Variants in ANKRD44 observed in about 807,000 individuals in gnomAD.
ANKRD44 encodes the protein serine/threonine-protein phosphatase 6 regulatory ankyrin repeat subunit B.
A neutral mutation model predicts 116.0 loss-of-function variants in ANKRD44; 35 were observed. That is an observed-to-expected ratio of 0.30 (90% CI 0.23 to 0.40). The LOEUF is 0.40. ANKRD44 is among the 10% of genes least tolerant of loss of function. ANKRD44 has a pLI of 1.00. For missense variants in ANKRD44, 1,014 were observed against 1,242.6 expected, an observed-to-expected ratio of 0.82 and a Z score of 2.77; for synonymous variants, 435 against 461.8, an observed-to-expected ratio of 0.94 and a Z score of 0.74.
intron 1 of ANKRD44, among the ~76,000 whole-genome samples, chr2:197,245,560 T>C (rs867672187): frequency 1.3e-5 from 2 of 152,336 alleles, no homozygotes; most frequent in South Asian, 4.1e-4. Flanking sequence ...AAATTGAGGG[T>C]ACTCATTTAC....
At chr2:197,010,389 C>T (rs1211717407) in intron 18 of ANKRD44, among the ~76,000 whole-genome samples, 1 of 151,970 alleles carries the variant, frequency 6.6e-6, no homozygotes, top group Non-Finnish European at 1.5e-5. Flanking sequence ...GGAGCCCTTT[C>T]CTAGGCCAGA....
At chr2:197,207,292 G>A (rs1266766587) in intron 1 of ANKRD44, among the ~76,000 whole-genome samples, 1 of 152,128 alleles carries the variant, frequency 6.6e-6, no homozygotes, top group Non-Finnish European at 1.5e-5. Flanking sequence ...CACCAATGAG[G>A]CCAGGACGTT....
chr2:197,283,144 T>C (rs1476397398), intron 1 of ANKRD44, among the ~76,000 whole-genome samples: 1 of 152,212 alleles, frequency 6.6e-6, no homozygotes, highest in African/African-American at 2.4e-5. Flanking sequence ...GATAGGTTAG[T>C]TTCTCTCACC....
At chr2:197,001,505 C>G (rs1288591318) in intron 22 of ANKRD44, among the ~76,000 whole-genome samples, 3 of 152,212 alleles carry the variant, frequency 2.0e-5, no homozygotes, top group African/African-American at 7.2e-5. Flanking sequence ...TAATGCACCT[C>G]TCACTCTACC....
At chr2:197,221,822 G>C (rs2081592251) in intron 1 of ANKRD44, among the ~76,000 whole-genome samples, 1 of 152,196 alleles carries the variant, frequency 6.6e-6, no homozygotes, top group Non-Finnish European at 1.5e-5. Context: ...AGCCAAAGCT[G>C]AGGACTAGAA....
At chr2:197,033,746 C>G (rs1249670125) in intron 16 of ANKRD44, among the ~76,000 whole-genome samples, 1 of 144,780 alleles carries the variant, frequency 6.9e-6, no homozygotes, top group African/African-American at 2.6e-5. Context: ...TCTTTGTTTT[C>G]TAAGGAGTGG....
At chr2:196,991,700 C>A (rs1372133475) in intron 27 of ANKRD44, among the ~76,000 whole-genome samples, 1 of 152,032 alleles carries the variant, frequency 6.6e-6, no homozygotes, top group African/African-American at 2.4e-5. Context: ...CCCACCTCAG[C>A]CTCCCGAGTA....
intron 1 of ANKRD44, among the ~76,000 whole-genome samples, chr2:197,272,295 G>A (rs994408127): frequency 3.3e-5 from 5 of 152,282 alleles, no homozygotes; most frequent in African/African-American, 1.2e-4. Context: ...CTGGAGTGCA[G>A]TGACACGATC....
intron 2 of ANKRD44, among the ~76,000 whole-genome samples, chr2:197,149,863 A>G (rs754277454): frequency 1.3e-5 from 2 of 152,204 alleles, no homozygotes; most frequent in Non-Finnish European, 1.5e-5. Context: ...CTACTTTGCC[A>G]TAAGCTAAAC....
chr2:197,150,420 G>A (rs2079614337), intron 2 of ANKRD44, among the ~76,000 whole-genome samples: 1 of 152,022 alleles, frequency 6.6e-6, no homozygotes, highest in Admixed American at 6.6e-5. Context: ...ATGGTGGAGG[G>A]CGCCTGTAGT....
At chr2:197,237,130 T>A (rs1052135619) in intron 1 of ANKRD44, among the ~76,000 whole-genome samples, 6 of 152,224 alleles carry the variant, frequency 3.9e-5, no homozygotes, top group Non-Finnish European at 8.8e-5. Context: ...CGATCTTGTA[T>A]AATAGCCGAC....
chr2:197,284,885 C>CAA (rs11367623), intron 1 of ANKRD44, among the ~76,000 whole-genome samples: 2 of 142,114 alleles, frequency 1.4e-5, no homozygotes, highest in Admixed American at 7.0e-5. Flanking sequence ...GACTCCATCT[C>CAA]AAAAAAAAAA....
chr2:197,139,640 T>TAG (rs201801194), intron 3 of ANKRD44, among the ~76,000 whole-genome samples: 110 of 150,512 alleles, frequency 7.3e-4, no homozygotes, highest in South Asian at 1.9e-3. Context: ...GATATAGATA[T>TAG]AGATATAGAT....
chr2:197,002,058 T>C (rs1054344019), intron 21 of ANKRD44, among the ~76,000 whole-genome samples: 1 of 152,190 alleles, frequency 6.6e-6, no homozygotes, highest in African/African-American at 2.4e-5. Flanking sequence ...ATGAAGGTCA[T>C]ATGGTCTGGT....
intron 9 of ANKRD44, among the ~76,000 whole-genome samples, chr2:197,107,364 G>C (rs1310084012): frequency 1.3e-5 from 2 of 152,180 alleles, no homozygotes; most frequent in Non-Finnish European, 2.9e-5. Context: ...GGGGTGCCTA[G>C]GGCCAATGGT....
At chr2:197,107,115 G>C (rs1193708970) in intron 9 of ANKRD44, among the ~76,000 whole-genome samples, 5 of 152,100 alleles carry the variant, frequency 3.3e-5, no homozygotes, top group African/African-American at 1.2e-4. Context: ...TGTCAGAAAG[G>C]ATAATTAATT....
chr2:197,025,729 G>A (rs1448534090), intron 16 of ANKRD44, among the ~76,000 whole-genome samples: 1 of 152,228 alleles, frequency 6.6e-6, no homozygotes, highest in East Asian at 1.9e-4. Flanking sequence ...GTGACTGACA[G>A]GCTGCTTTAC....
At position 197,125,374 on chromosome 2, in the gene ANKRD44, T is replaced by G. The variant is rs759858959; in HGVS notation, c.550+7A>C. ...TGTACTTTGCTTTCCATGCATGGAATCCTTACCCATGTATGCTGCCCAGTG... is the reference window on the plus strand; with the variant it reads ...TGTACTTTGCTTTCCATGCATGGAAGCCTTACCCATGTATGCTGCCCAGTG... On this transcript the variant is annotated splice_region_variant and intron_variant, in intron 6 of 27. Transcript: ENST00000282272. 6.2e-7 allele frequency: 1 copy of G among 1,612,754 alleles called. No individual in the cohort carries two copies.
chr2:197,229,007 C>A (rs905867536), intron 1 of ANKRD44, among the ~76,000 whole-genome samples: 1 of 152,214 alleles, frequency 6.6e-6, no homozygotes, highest in African/African-American at 2.4e-5. Context: ...TGCACTCCAG[C>A]CTGGGCAACA....
Sources: gnomAD v4.1 joint callset for allele counts (sites outside exome capture counted in the v4.1 genomes callset) on GRCh38, gnomAD v4.1.1 for gene constraint, MANE v1.5 for transcripts, NCBI Gene and HGNC (gene_info 2026-07-23, HGNC 2026-07-21) for gene names.